The following LRMDA variants were observed in gnomAD, a reference collection of about 807,000 sequenced individuals.
LRMDA encodes the protein leucine-rich melanocyte differentiation-associated protein.
Under a neutral mutation model 29.8 loss-of-function variants are expected in LRMDA, and 18 were observed. The ratio of observed to expected loss-of-function variants is 0.60; its 90% confidence interval spans 0.42 to 0.90. LRMDA has a LOEUF of 0.90. Among genes scored for constraint, LRMDA ranks in the 40% least tolerant of loss-of-function variants. The pLI is 0.00. For synonymous variants in LRMDA, 125 were observed against 109.4 expected, an observed-to-expected ratio of 1.14 and a Z score of -0.89; for missense variants, 273 against 273.9, an observed-to-expected ratio of 1.00 and a Z score of 0.02.
intron 2 of LRMDA, among the ~76,000 whole-genome samples, chr10:75,526,792 A>G (rs72809407): frequency 0.015 from 2,303 of 152,046 alleles, 32 homozygotes; most frequent in South Asian, 0.026. Context: ...TCAGAAGTTC[A>G]AGTCTTCAGT....
chr10:76,070,129 C>G (rs1848852210), intron 5 of LRMDA, among the ~76,000 whole-genome samples: 1 of 152,182 alleles, frequency 6.6e-6, no homozygotes, highest in African/African-American at 2.4e-5. Context: ...AATGCAGGCT[C>G]TGGTCTAAAG....
intron 6 of LRMDA, among the ~76,000 whole-genome samples, chr10:76,486,639 CCTT>C (rs1437039345): frequency 6.6e-6 from 1 of 151,834 alleles, no homozygotes; most frequent in East Asian, 1.9e-4. Flanking sequence ...ACAGTGGGGA[CCTT>C]CTTTAGGTTC....
At chr10:75,684,401 T>C (rs2132155236) in intron 2 of LRMDA, among the ~76,000 whole-genome samples, 1 of 152,310 alleles carries the variant, frequency 6.6e-6, no homozygotes, top group East Asian at 1.9e-4. Context: ...ATGTCACCTT[T>C]GGGGCCATTT....
At chr10:75,623,736 G>C (rs1841216232) in intron 2 of LRMDA, among the ~76,000 whole-genome samples, 1 of 152,212 alleles carries the variant, frequency 6.6e-6, no homozygotes, top group South Asian at 2.1e-4. Flanking sequence ...CTAACAGAAT[G>C]CTGAAATGGC....
At chr10:76,480,746 A>T (rs937950635) in intron 6 of LRMDA, among the ~76,000 whole-genome samples, 3 of 151,974 alleles carry the variant, frequency 2.0e-5, no homozygotes, top group African/African-American at 7.2e-5. Flanking sequence ...TTCCTGTAAT[A>T]TGGGAGTTGT....
intron 2 of LRMDA, among the ~76,000 whole-genome samples, chr10:76,013,636 A>G (rs1320555393): frequency 6.6e-6 from 1 of 152,066 alleles, no homozygotes; most frequent in African/African-American, 2.4e-5. Context: ...TCACCATGAC[A>G]GTTCCTTACA....
chr10:76,264,272 T>C (rs985447102), intron 5 of LRMDA, among the ~76,000 whole-genome samples: 2 of 151,804 alleles, frequency 1.3e-5, no homozygotes, highest in Non-Finnish European at 2.9e-5. Context: ...TGGTGGTACA[T>C]GCCTGTAGTC....
intron 5 of LRMDA, among the ~76,000 whole-genome samples, chr10:76,065,677 A>G (rs1046932050): frequency 4.6e-5 from 7 of 152,246 alleles, no homozygotes; most frequent in East Asian, 1.9e-4. Context: ...TGCCTCTGCA[A>G]CCCAACAACT....
chr10:76,522,448 A>G (rs1031650905), intron 6 of LRMDA, among the ~76,000 whole-genome samples: 1 of 152,192 alleles, frequency 6.6e-6, no homozygotes, highest in Admixed American at 6.5e-5. Context: ...CAGTCAATAA[A>G]TATTTGTTGA....
intron 6 of LRMDA, among the ~76,000 whole-genome samples, chr10:76,481,566 T>C (rs769329499): frequency 5.3e-5 from 8 of 151,946 alleles, no homozygotes; most frequent in Non-Finnish European, 8.8e-5. Context: ...TTAAAAGAAA[T>C]AGCTAATTAT....
chr10:76,223,730 T>C (rs922592245), intron 5 of LRMDA, among the ~76,000 whole-genome samples: 1 of 152,186 alleles, frequency 6.6e-6, no homozygotes, highest in African/African-American at 2.4e-5. Flanking sequence ...TTTGTGACTT[T>C]AGCCTCCAGA....
chr10:75,641,355 G>T (rs1029704182), intron 2 of LRMDA, among the ~76,000 whole-genome samples: 1 of 151,574 alleles, frequency 6.6e-6, no homozygotes, highest in African/African-American at 2.4e-5. Flanking sequence ...GTCCAGGATG[G>T]TCTTGATTTA....
chr10:75,517,684 C>T (rs2132035529), intron 2 of LRMDA, among the ~76,000 whole-genome samples: 1 of 152,268 alleles, frequency 6.6e-6, no homozygotes, highest in South Asian at 2.1e-4. Context: ...TAATTGAATA[C>T]TCTTTATTTC....
At chr10:75,607,835 T>G (rs1340918990) in intron 2 of LRMDA, among the ~76,000 whole-genome samples, 1 of 148,614 alleles carries the variant, frequency 6.7e-6, no homozygotes, top group Non-Finnish European at 1.5e-5. Context: ...TTTTTTTTTT[T>G]TTTTTTTTTT....
chr10:76,293,462 C>A (rs1840374678), intron 5 of LRMDA, among the ~76,000 whole-genome samples: 1 of 152,148 alleles, frequency 6.6e-6, no homozygotes, highest in African/African-American at 2.4e-5. Context: ...CAAATGATGT[C>A]TCATGTTTGC....
intron 2 of LRMDA, among the ~76,000 whole-genome samples, chr10:75,631,530 C>T (rs1303161012): frequency 6.6e-6 from 1 of 152,024 alleles, no homozygotes; most frequent in Non-Finnish European, 1.5e-5. Context: ...GGGGGAAATA[C>T]CCTCACGTCC....
chr10:76,246,997 A>G (rs1207057249), intron 5 of LRMDA, among the ~76,000 whole-genome samples: 1 of 152,202 alleles, frequency 6.6e-6, no homozygotes, highest in African/African-American at 2.4e-5. Flanking sequence ...CAATGGATTT[A>G]AATGCCATTA....
chr10:75,839,730 A>G (rs1475586402), intron 2 of LRMDA, among the ~76,000 whole-genome samples: 2 of 110,416 alleles, frequency 1.8e-5, no homozygotes, highest in Non-Finnish European at 3.3e-5. Context: ...TTTTTTTGAG[A>G]CAGAGTCTTG....
At chr10:76,447,917 T>C (rs1261201434) in intron 6 of LRMDA, among the ~76,000 whole-genome samples, 2 of 152,184 alleles carry the variant, frequency 1.3e-5, no homozygotes, top group African/African-American at 2.4e-5. Flanking sequence ...TCATCTTGTA[T>C]TGGGTATAGA....
Sources: allele counts gnomAD v4.1 joint callset (sites outside exome capture counted in the v4.1 genomes callset), GRCh38; gene constraint gnomAD v4.1.1; transcripts MANE v1.5; gene names NCBI Gene and HGNC (gene_info 2026-07-23, HGNC 2026-07-21).